COL2A1: variants seen among roughly 807,000 people sequenced by gnomAD.
The protein encoded by COL2A1 is collagen alpha-1(II) chain.
A neutral mutation model predicts 204.5 loss-of-function variants in COL2A1; 28 were observed. The ratio of observed to expected loss-of-function variants is 0.14; its 90% CI spans 0.10 to 0.19. The LOEUF is 0.19. COL2A1 is among the 10% of genes least tolerant of loss of function. The pLI, the probability that COL2A1 is intolerant of heterozygous loss-of-function variation, is 1.00. For synonymous variants in COL2A1, 708 were observed against 718.7 expected, an observed-to-expected ratio of 0.99 and a Z score of 0.24; for missense variants, 1,388 against 2,027.5, an observed-to-expected ratio of 0.68 and a Z score of 6.06.
At chr12:47,999,831 TGCAGAGACGACCA>T (rs1013985933) in intron 2 of COL2A1, 75 bp downstream of exon 2, 1 of 1,188,714 alleles carries the variant, frequency 8.4e-7, no homozygotes, top group African/African-American at 1.5e-5. Flanking sequence ...CCCTCTGCTT[TGCAGAGACGACCA>T]GCATCTATGG....
At chr12:47,988,190 A>G (rs1939530594) in intron 18 of COL2A1, among the ~76,000 whole-genome samples, 2 of 152,182 alleles carry the variant, frequency 1.3e-5, no homozygotes, top group African/African-American at 4.8e-5. Flanking sequence ...CATCTGGCTG[A>G]CGGGTGAACA....
In COL2A1 at chr12:47,997,667, G is replaced by T. The variant is rs770876325; in HGVS notation, c.470C>A (p.Thr157Asn). The change falls in exon 7 of 54, where the codon ACC becomes AAC. Residue 157 changes from threonine to asparagine, a missense_variant. This residue lies in a region of COL2A1 where 201 missense variants were observed against 242.4 expected (regional missense o/e 0.83). Coordinates refer to ENST00000380518, the MANE Select transcript of COL2A1 (RefSeq NM_001844.5). ...GPRGRDGEPG[T>N]PGNPGPPGPP... is the part of the protein sequence containing the mutation. ...ACCAGGGGGGCCAGGATTTCCAGGG[G>T]TCCCAGGTTCTCCATCTCTGCCACG... 5 of 1,613,866 alleles carry T rather than the reference G, an allele frequency of 3.1e-6. No individual in the cohort carries two copies. In the African/African-American group the frequency reaches 6.7e-5, roughly 22 times the overall value.
At chr12:47,973,943 C>G in intron 53 of COL2A1, 146 bp downstream of exon 53, 1 of 1,151,780 alleles carries the variant, frequency 8.7e-7, no homozygotes, top group Non-Finnish European at 1.3e-6. Flanking sequence ...ACCTGTCACT[C>G]AGCCTATCTT....
In COL2A1 at chr12:47,982,944, A is replaced by C; in HGVS notation, c.2097T>G (p.Gly699=). ...CACGTTCACCTGGGAAACCTCGTTC[A>C]CCCTGCGGCAGAGACACCAAGAAGT... The part of the protein sequence containing the change: ...AGAPGLVGPR[G]ERGFPGERGS... The change falls in exon 33 of 54, where the codon GGT becomes GGG. Residue 699 remains glycine, a splice_region_variant and synonymous_variant. Transcript: ENST00000380518. 3 of 1,613,592 alleles carry C rather than the reference A, an allele frequency of 1.9e-6. No individual in the cohort carries two copies. Among genetic ancestry groups the C allele is most frequent in the Non-Finnish European group, 2.5e-6 (3 of 1,179,928 alleles).
chr12:48,000,345 T>C (rs917556886), intron 1 of COL2A1, among the ~76,000 whole-genome samples: 3 of 152,232 alleles, frequency 2.0e-5, no homozygotes, highest in Admixed American at 6.5e-5. Flanking sequence ...CCTTGCACCA[T>C]GTTGTCTATT....
Position 47,973,077 on chromosome 12 carries a change from G to A in COL2A1, c.*330C>T, listed in dbSNP as rs946163085. The A allele has an allele frequency of 3.2e-5, 19 of 594,498 alleles. No individual in the cohort carries two copies. Among genetic ancestry groups the A allele is most frequent in the East Asian group, 1.4e-4 (5 of 36,338 alleles). The allele number at this position is 594,498 out of a possible 1,614,324, so 36.8% of individuals were successfully genotyped here. ...TAGGACACACACAGTTCCTGCGCCC[G>A]GCACCTGAAGGGAGGTCTTCTGGCC... On this transcript the variant is annotated 3_prime_UTR_variant, in exon 54 of 54. Transcript: ENST00000380518.
intron 11 of COL2A1, 58 bp downstream of exon 11, chr12:47,995,197 C>T (rs553169567): frequency 2.0e-6 from 3 of 1,484,220 alleles, no homozygotes; most frequent in Admixed American, 1.7e-5. Context: ...AAGCACACAC[C>T]CTCTCCAGGC....
chr12:47,983,052 G>T, intron 32 of COL2A1, 41 bp downstream of exon 32: 1 of 1,612,072 alleles, frequency 6.2e-7, no homozygotes, highest in Non-Finnish European at 8.5e-7. Context: ...ACCCAGGGCA[G>T]GCCCAAGGAG....
chr12:47,993,362 C>A (rs1939796171), intron 15 of COL2A1, 96 bp downstream of exon 15: 3 of 977,858 alleles, frequency 3.1e-6, no homozygotes, highest in Non-Finnish European at 3.3e-6. Flanking sequence ...AAATCTACAA[C>A]ACAGAATATG....
At chr12:47,984,245 C>A in intron 28 of COL2A1, 105 bp from the exon 29 acceptor site, 1 of 1,021,944 alleles carries the variant, frequency 9.8e-7, no homozygotes, top group Non-Finnish European at 1.5e-6. Flanking sequence ...TCCAGACCTC[C>A]ACGGTACCCC....
At chr12:48,002,237 AG>A (rs1263533659) in intron 1 of COL2A1, among the ~76,000 whole-genome samples, 1 of 152,206 alleles carries the variant, frequency 6.6e-6, no homozygotes, top group Non-Finnish European at 1.5e-5. Context: ...CCCCTGAGCC[AG>A]GGGCACTTTC....
chr12:47,975,172 T>A, intron 51 of COL2A1, 145 bp downstream of exon 51: 1 of 1,121,300 alleles, frequency 8.9e-7, no homozygotes, highest in African/African-American at 1.5e-5. Context: ...GCAGCTTCTC[T>A]GCTGTGAAAT....
chr12:47,985,540 G>T lies in COL2A1; in HGVS notation c.1728C>A (p.Gly576=). Residue 576 remains glycine, a synonymous_variant, in exon 26 of 54, where the codon GGC becomes GGA. Transcript: ENST00000380518. ...PGDAGPQGKV[G]PSGAPGEDGR... is the part of the protein sequence containing the mutation. ...CCTCAGAGGATAGACTTACAGAAGG[G>T]CCAACTTTGCCTTGAGGACCAGCAT... 6.2e-7 allele frequency: 1 copy of T among 1,614,010 alleles called. No individual in the cohort carries two copies. Among genetic ancestry groups the T allele is most frequent in the South Asian group, 1.1e-5 (1 of 91,084 alleles).
rs1284766519 is a variant in COL2A1, at chr12:47,984,275, AC to A, written c.1888-136del. ...TACCCCAGCTGAGCTCCATTTCCAC[AC>A]CTTCCCCTCCCTTCCTTCCCAGGCC... On this transcript the variant is annotated intron_variant, in intron 28 of 53. Transcript: ENST00000380518. 4.7e-6 allele frequency: 4 copies of A among 845,636 alleles called. No homozygotes were observed. The African/African-American group carries it at 6.7e-5, about 14-fold the overall frequency. The allele number at this position is 845,636 out of a possible 1,614,324, so 52.4% of individuals were successfully genotyped here.
rs1349927561 is a variant in COL2A1, at chr12:47,994,119, G to A, written c.817-72C>T. On this transcript the variant is annotated intron_variant, in intron 12 of 53. Transcript: ENST00000380518. ...TGGAAAGCTGCCCTGGGCTGCAGGAGGGCCTCCAGTTCCCTTGGGCCACCA... is the reference window on the plus strand; with the variant it reads ...TGGAAAGCTGCCCTGGGCTGCAGGAAGGCCTCCAGTTCCCTTGGGCCACCA... 4.4e-5 allele frequency: 68 copies of A among 1,553,350 alleles called. 1 individual carries two copies. Among genetic ancestry groups the A allele is most frequent in the Non-Finnish European group, 5.8e-5 (65 of 1,125,954 alleles).
At chr12:47,998,311 C>A in intron 3 of COL2A1, 104 bp downstream of exon 3, 1 of 1,539,874 alleles carries the variant, frequency 6.5e-7, no homozygotes, top group Non-Finnish European at 9.0e-7. Flanking sequence ...CAGATATCTT[C>A]TGATGTCTAA....
rs1396951877 is a variant in COL2A1, at chr12:47,998,072, A to G, written c.343-8T>C. 2 of 1,614,204 alleles carry G rather than the reference A, an allele frequency of 1.2e-6. No homozygotes were observed. Among genetic ancestry groups the G allele is most frequent in the South Asian group, 2.2e-5 (2 of 91,084 alleles). ...TCCTTTGGGTCCTACAATCTGTGAG[A>G]GAGAGCCCCACAGGATGGTAAGTTA... On this transcript the variant is annotated splice_region_variant and splice_polypyrimidine_tract_variant and intron_variant, in intron 4 of 53. Transcript: ENST00000380518.
chr12:47,981,544 G>A (rs867064725), intron 36 of COL2A1, 148 bp from the exon 37 acceptor site: 13 of 886,588 alleles, frequency 1.5e-5, no homozygotes, highest in African/African-American at 8.3e-5. Flanking sequence ...GCCCATACCC[G>A]CACCCTCTCG....
At chr12:47,996,983 T>C (rs1457094940) in intron 7 of COL2A1, among the ~76,000 whole-genome samples, 3 of 152,222 alleles carry the variant, frequency 2.0e-5, no homozygotes, top group Non-Finnish European at 2.9e-5. Flanking sequence ...TCTTTAAGAC[T>C]TTAGTGCCCA....
Sources: gnomAD v4.1 joint callset for allele counts (sites outside exome capture counted in the v4.1 genomes callset) on GRCh38, gnomAD v4.1.1 for gene constraint, gnomAD v4.1.1 regional missense constraint, MANE v1.5 for transcripts, NCBI Gene and HGNC (gene_info 2026-07-23, HGNC 2026-07-21) for gene names.